Variants in CTXND1 observed in about 807,000 individuals in gnomAD.
CTXND1 encodes cortexin domain containing 1.
chr15:80,240,510 C>T (rs570281616), intron 1 of CTXND1, among the ~76,000 whole-genome samples: 1 of 147,226 alleles, frequency 6.8e-6, no homozygotes, highest in African/African-American at 2.7e-5. Flanking sequence ...TGCCAACACT[C>T]CCCCCCCACC....
At chr15:80,230,099 A>G (rs1024584562) in intron 1 of CTXND1, among the ~76,000 whole-genome samples, 1 of 152,226 alleles carries the variant, frequency 6.6e-6, no homozygotes. Context: ...ATACTTTTAT[A>G]GACATTCCCC....
intron 1 of CTXND1, among the ~76,000 whole-genome samples, chr15:80,215,385 T>C (rs767522502): frequency 6.6e-6 from 1 of 152,192 alleles, no homozygotes; most frequent in Non-Finnish European, 1.5e-5. Context: ...TGAATGTGTT[T>C]ATGATGAAAG....
intron 1 of CTXND1, among the ~76,000 whole-genome samples, chr15:80,231,007 G>A (rs1459985395): frequency 1.3e-5 from 2 of 152,010 alleles, no homozygotes; most frequent in African/African-American, 2.4e-5. Flanking sequence ...GCAGTGAGCT[G>A]AGATGGTGCC....
At chr15:80,232,941 CT>C (rs71455324) in intron 1 of CTXND1, among the ~76,000 whole-genome samples, 15,462 of 122,890 alleles carry the variant, frequency 0.13, 698 homozygotes, top group East Asian at 0.31. Flanking sequence ...ATGCAACTTC[CT>C]TTTTTTTTTT....
intron 2 of CTXND1, among the ~76,000 whole-genome samples, chr15:80,202,862 C>T (rs529751689): frequency 1.3e-5 from 2 of 152,316 alleles, no homozygotes; most frequent in African/African-American, 4.8e-5. Flanking sequence ...AGAGTCCCAG[C>T]TCTGCCACCA....
chr15:80,236,943 C>T (rs1231576946), intron 1 of CTXND1, among the ~76,000 whole-genome samples: 3 of 152,126 alleles, frequency 2.0e-5, no homozygotes, highest in Non-Finnish European at 4.4e-5. Flanking sequence ...AAAAGCATCA[C>T]ACTTACAATT....
At chr15:80,234,690 C>G (rs758933342) in intron 1 of CTXND1, among the ~76,000 whole-genome samples, 1 of 152,102 alleles carries the variant, frequency 6.6e-6, no homozygotes, top group Non-Finnish European at 1.5e-5. Flanking sequence ...GTTGACCAGG[C>G]TGGTCTCGAA....
chr15:80,227,798 C>A (rs1893388675), intron 1 of CTXND1, among the ~76,000 whole-genome samples: 1 of 152,224 alleles, frequency 6.6e-6, no homozygotes, highest in Non-Finnish European at 1.5e-5. Flanking sequence ...AGGCTACTAA[C>A]TAATCAGGGT....
Position 80,195,704 on chromosome 15 carries a change from C to T in CTXND1, c.*6066G>A, listed in dbSNP as rs1453525266. The T allele has an allele frequency of 6.6e-6, 1 of 152,206 alleles. No homozygotes were observed. The highest frequency in any genetic ancestry group is 2.4e-5 in the African/African-American group (1 of 41,442). The allele number at this position is 152,206 out of a possible 1,614,324, so 9.4% of individuals were successfully genotyped here. ...TCACTCCGCCCTCATGGCCTAATCACCTCTCATTGGGCCCCAGATCTCAAC... is the reference window on the plus strand; with the variant it reads ...TCACTCCGCCCTCATGGCCTAATCATCTCTCATTGGGCCCCAGATCTCAAC... On this transcript the variant is annotated 3_prime_UTR_variant, in exon 3 of 3. Coordinates refer to ENST00000560778, the MANE Select transcript of CTXND1 (RefSeq NM_001352888.2).
chr15:80,247,746 A>G (rs534631024), intron 1 of CTXND1, among the ~76,000 whole-genome samples: 6 of 152,346 alleles, frequency 3.9e-5, no homozygotes, highest in African/African-American at 1.4e-4. Flanking sequence ...AGGGAGAGGC[A>G]GGATTTCACA....
chr15:80,239,667 T>C (rs967688500), intron 1 of CTXND1, among the ~76,000 whole-genome samples: 9 of 152,210 alleles, frequency 5.9e-5, no homozygotes, highest in Non-Finnish European at 1.2e-4. Flanking sequence ...TAATACTTAA[T>C]AAACTCTTTA....
chr15:80,204,354 A>C (rs1893124730), intron 1 of CTXND1, among the ~76,000 whole-genome samples: 1 of 150,940 alleles, frequency 6.6e-6, no homozygotes, highest in Non-Finnish European at 1.5e-5. Context: ...GTACATCCAC[A>C]CTGTGGTGCA....
chr15:80,211,761 A>G (rs1893207029), intron 1 of CTXND1, among the ~76,000 whole-genome samples: 1 of 152,190 alleles, frequency 6.6e-6, no homozygotes, highest in African/African-American at 2.4e-5. Context: ...TTCTGCTGAG[A>G]GAATGCATTG....
At chr15:80,218,071 T>C (rs891981017) in intron 1 of CTXND1, among the ~76,000 whole-genome samples, 2 of 152,256 alleles carry the variant, frequency 1.3e-5, no homozygotes, top group Non-Finnish European at 2.9e-5. Context: ...ACTTCAGTGA[T>C]AGAAAATTGT....
intron 1 of CTXND1, among the ~76,000 whole-genome samples, chr15:80,209,795 G>T (rs961241785): frequency 2.0e-5 from 3 of 152,224 alleles, no homozygotes; most frequent in African/African-American, 7.2e-5. Flanking sequence ...AGGGCTGGGA[G>T]TGAGGTGCTC....
In CTXND1 at chr15:80,245,629, TTTCA is replaced by T. The variant is rs377054156; in HGVS notation, c.-218+6374_-218+6377del. On this transcript the variant is annotated intron_variant, in intron 1 of 2. Coordinates refer to ENST00000560778, the MANE Select transcript of CTXND1 (RefSeq NM_001352888.2). ...GAGGCAGCCACAGAGGCCCACCCAG[TTTCA>T]AGGACAGGGGGCATGGACTCTACCT... is the stretch of plus-strand genomic sequence containing the variant. Among the ~76,000 whole-genome samples the T allele has an allele frequency of 3.9e-3, 591 of 152,224 alleles. 32 individuals carry two copies. In the South Asian group the frequency reaches 0.093, roughly 24 times the overall value.
intron 1 of CTXND1, among the ~76,000 whole-genome samples, chr15:80,219,863 T>C (rs1460069002): frequency 6.6e-6 from 1 of 152,248 alleles, no homozygotes; most frequent in Non-Finnish European, 1.5e-5. Context: ...TTCTCGTTTG[T>C]CTTTTAGGCT....
rs11634502 is a variant in CTXND1 at position 80,226,027 on chromosome 15, T to A, written c.-217-22287A>T. Among the ~76,000 whole-genome samples, 850 of 152,294 alleles carry A rather than the reference T, an allele frequency of 5.6e-3. 4 individuals are homozygous for A. The highest frequency in any genetic ancestry group is 0.013 in the Admixed American group (199 of 15,302). On this transcript the variant is annotated intron_variant, in intron 1 of 2. Coordinates refer to ENST00000560778, the MANE Select transcript of CTXND1 (RefSeq NM_001352888.2). The stretch of plus-strand genomic sequence containing the variant: ...TATCCTGAGCACAGTGACTAGAGGA[T>A]GAAGCAATAGGTGGGTTTTATTTCA...
At chr15:80,235,031 A>G (rs925374910) in intron 1 of CTXND1, among the ~76,000 whole-genome samples, 6 of 152,124 alleles carry the variant, frequency 3.9e-5, no homozygotes, top group East Asian at 1.9e-4. Context: ...GACCTTGGGC[A>G]GGCTGCATGA....
Sources: allele counts gnomAD v4.1 joint callset (sites outside exome capture counted in the v4.1 genomes callset), GRCh38; gene constraint gnomAD v4.1.1; transcripts MANE v1.5; gene names NCBI Gene and HGNC (gene_info 2026-07-23, HGNC 2026-07-21).